The following SYNDIG1L variants were observed in gnomAD, a reference collection of about 807,000 sequenced individuals.
The protein encoded by SYNDIG1L is synapse differentiation-inducing gene protein 1-like.
Under a neutral mutation model 20.1 loss-of-function variants are expected in SYNDIG1L, and 13 were observed. The observed-to-expected ratio is 0.65, with a 90% CI of 0.42 to 1.03. The LOEUF (loss-of-function observed/expected upper bound fraction) is 1.03. SYNDIG1L is among the 50% of genes least tolerant of loss of function. The probability of loss-of-function intolerance (pLI) is 0.00; values close to 1 mark genes in which losing one functional copy is unlikely to be tolerated. For synonymous variants in SYNDIG1L, 128 were observed against 129.3 expected (o/e 0.99, Z 0.07); for missense variants, 294 against 305.1 (o/e 0.96, Z 0.27).
the SYNDIG1L span, among the ~76,000 whole-genome samples, chr14:74,468,517 A>C: frequency 6.8e-6 from 1 of 147,562 alleles, no homozygotes; most frequent in South Asian, 2.2e-4. Context: ...TATCCTGGCC[A>C]CCCTCTGGCA....
intron 1 of SYNDIG1L, among the ~76,000 whole-genome samples, chr14:74,425,427 TC>T (rs1417905459): frequency 6.6e-6 from 1 of 152,150 alleles, no homozygotes; most frequent in Non-Finnish European, 1.5e-5. Flanking sequence ...CAAGAGCCAA[TC>T]CCTTGGCCCA....
the SYNDIG1L span, among the ~76,000 whole-genome samples, chr14:74,439,739 C>A: frequency 6.6e-6 from 1 of 151,634 alleles, no homozygotes; most frequent in African/African-American, 2.4e-5. Context: ...ATTAGCCGGG[C>A]GTGGTGGTGC....
chr14:74,460,179 G>A, the SYNDIG1L span, among the ~76,000 whole-genome samples: 1 of 152,232 alleles, frequency 6.6e-6, no homozygotes, highest in Non-Finnish European at 1.5e-5. Context: ...GGATCAGCAA[G>A]CCATTAAGCC....
rs34711949 is a variant in SYNDIG1L at position 74,422,653 on chromosome 14, T to TCACACACA, written c.-58+3251_-58+3258dup. 4.5e-3 allele frequency among the ~76,000 whole-genome samples: 635 copies of TCACACACA among 140,472 alleles called. 5 individuals carry two copies. The highest frequency in any genetic ancestry group is 0.013 in the African/African-American group (498 of 37,590). The allele number at this position is 140,472 out of a possible 152,430, so 92.2% of individuals were successfully genotyped here. Reference sequence around the variant, plus strand: ...TATTTCAACATTTTAATCTCTCTCTTCACACACACACACACACACACACAC... The same window carrying TCACACACA: ...TATTTCAACATTTTAATCTCTCTCTTCACACACACACACACACACACACACACACACAC... On this transcript the variant is annotated intron_variant, in intron 1 of 3. Coordinates refer to ENST00000331628, the MANE Select transcript of SYNDIG1L (RefSeq NM_001105579.2).
the SYNDIG1L span, among the ~76,000 whole-genome samples, chr14:74,453,457 G>A: frequency 3.3e-4 from 50 of 151,050 alleles, no homozygotes; most frequent in African/African-American, 1.2e-3. Flanking sequence ...AGGGGAACAG[G>A]AAGGAGACTT....
chr14:74,455,134 G>A, the SYNDIG1L span, among the ~76,000 whole-genome samples: 10 of 152,210 alleles, frequency 6.6e-5, no homozygotes, highest in African/African-American at 2.4e-4. Context: ...CAGCCTGCAG[G>A]CCTGTCCTGG....
chr14:74,451,513 G>A, the SYNDIG1L span, among the ~76,000 whole-genome samples: 4 of 152,090 alleles, frequency 2.6e-5, no homozygotes, highest in East Asian at 7.7e-4. Context: ...TTTGTGCTAG[G>A]CAAAGATTTC....
the SYNDIG1L span, among the ~76,000 whole-genome samples, chr14:74,456,880 G>A: frequency 2.0e-5 from 3 of 152,186 alleles, no homozygotes; most frequent in Admixed American, 2.0e-4. Context: ...AGTTCATGGA[G>A]TCAGGCCACA....
the SYNDIG1L span, among the ~76,000 whole-genome samples, chr14:74,440,175 T>G: frequency 6.8e-6 from 1 of 147,264 alleles, no homozygotes; most frequent in South Asian, 2.2e-4. Context: ...GTCAGGAGAT[T>G]GAGACCATCC....
rs753297414 is a variant in SYNDIG1L at position 74,407,697 on chromosome 14, G to A, written c.559-4C>T. The A allele has an allele frequency of 1.9e-5, 30 of 1,599,496 alleles. No individual in the cohort carries two copies. In the Middle Eastern group the frequency reaches 1.0e-3, roughly 53 times the overall value. ...CTTTGGAGATGGCCTTGCTGGTCTA[G>A]GGAGAGAGACATGCTGATGAACAGG... On this transcript the variant is annotated splice_polypyrimidine_tract_variant and splice_region_variant and intron_variant, in intron 3 of 3. Transcript: ENST00000331628.
the SYNDIG1L span, chr14:74,479,902 T>C: frequency 9.1e-7 from 1 of 1,095,562 alleles, no homozygotes; most frequent in South Asian, 1.7e-5. Context: ...TCTAGCAGAA[T>C]GTACCCTGAA....
chr14:74,476,464 TGAG>T, the SYNDIG1L span: 2 of 1,410,874 alleles, frequency 1.4e-6, no homozygotes, highest in Non-Finnish European at 1.9e-6. Flanking sequence ...CCCCTGCAGG[TGAG>T]GGGAGCCACA....
the SYNDIG1L span, among the ~76,000 whole-genome samples, chr14:74,467,489 A>T: frequency 6.6e-6 from 1 of 152,162 alleles, no homozygotes; most frequent in Non-Finnish European, 1.5e-5. Context: ...CTCCACCCCC[A>T]GAGCAGCTCA....
At chr14:74,429,972 A>G (rs762064168), upstream of SYNDIG1L, among the ~76,000 whole-genome samples, 3 of 152,214 alleles carry the variant, frequency 2.0e-5, no homozygotes, top group East Asian at 1.9e-4. Flanking sequence ...TCTTTTTTCC[A>G]TAGGAGACTG....
At chr14:74,441,162 G>A in the SYNDIG1L span, among the ~76,000 whole-genome samples, 4 of 152,134 alleles carry the variant, frequency 2.6e-5, no homozygotes, top group Admixed American at 6.5e-5. Context: ...TTTGCTTGTC[G>A]GATAGCCCTT....
chr14:74,439,708 C>T, the SYNDIG1L span, among the ~76,000 whole-genome samples: 13 of 151,632 alleles, frequency 8.6e-5, no homozygotes, highest in African/African-American at 1.9e-4. Context: ...GGAGAAACCC[C>T]GTCTCTACTA....
At chr14:74,424,765 ACAG>A (rs1279301107) in intron 1 of SYNDIG1L, among the ~76,000 whole-genome samples, 2 of 152,156 alleles carry the variant, frequency 1.3e-5, no homozygotes, top group Non-Finnish European at 2.9e-5. Flanking sequence ...GGGAACAGTG[ACAG>A]CAGCGCACAC....
At position 74,407,558 on chromosome 14, in the gene SYNDIG1L, T is replaced by C; in HGVS notation, c.694A>G (p.Met232Val). The C allele has an allele frequency of 1.2e-6, 2 of 1,613,874 alleles. No individual in the cohort carries two copies. Among genetic ancestry groups the C allele is most frequent in the Non-Finnish European group, 1.7e-6 (2 of 1,179,942 alleles). Residue 232 changes from methionine (M) to valine (V), a missense_variant, in exon 4 of 4, where the codon ATG becomes GTG. By Grantham distance (21) the Met-to-Val change is conservative. Coordinates refer to ENST00000331628, the MANE Select transcript of SYNDIG1L (RefSeq NM_001105579.2). The part of the protein sequence containing the change: ...VAVVVALAAY[M>V]SQNGHG ...TACTAGCCATGACCGTTCTGGGACA[T>C]GTAAGCTGCCAGAGCCACCACCACA... is the stretch of plus-strand genomic sequence containing the variant.
At chr14:74,442,632 G>GA in the SYNDIG1L span, among the ~76,000 whole-genome samples, 1 of 152,200 alleles carries the variant, frequency 6.6e-6, no homozygotes, top group Non-Finnish European at 1.5e-5. Context: ...TTTTAGAAGA[G>GA]ATCTCTAGCT....
Sources: allele counts gnomAD v4.1 joint callset (sites outside exome capture counted in the v4.1 genomes callset), GRCh38; gene constraint gnomAD v4.1.1; transcripts MANE v1.5; gene names NCBI Gene and HGNC (gene_info 2026-07-23, HGNC 2026-07-21).